Variants in RELN observed in about 807,000 individuals in gnomAD.
RELN encodes reelin.
A neutral mutation model predicts 427.6 loss-of-function variants in RELN; 108 were observed. The observed-to-expected ratio is 0.25, with a 90% confidence interval of 0.22 to 0.30. RELN has a LOEUF of 0.30. Ranked by LOEUF, RELN falls within the 10% of genes least tolerant of loss-of-function variation. The probability of loss-of-function intolerance (pLI) is 1.00; values close to 1 mark genes in which losing one functional copy is unlikely to be tolerated. For missense variants in RELN, 3,715 were observed against 4,302.8 expected (o/e 0.86, Z 3.82); for synonymous variants, 1,524 against 1,513.4 (o/e 1.01, Z -0.16).
intron 8 of RELN, among the ~76,000 whole-genome samples, chr7:103,719,250 C>T (rs1257748810): frequency 6.6e-6 from 1 of 152,082 alleles, no homozygotes; most frequent in African/African-American, 2.4e-5. Context: ...TCTAGGAGGG[C>T]ACGCATGTTC....
chr7:103,839,303 C>CTTTTTTT lies in RELN; in HGVS notation c.338-5638_338-5632dup, dbSNP rs34244913. On this transcript the variant is annotated intron_variant, in intron 2 of 64. Transcript: ENST00000428762. Reference sequence around the variant, plus strand: ...CACTATGACTATACAGTGGTCTTTGCTTTTTTTTTTTTTTTTTTTAACATA... The same window carrying CTTTTTTT: ...CACTATGACTATACAGTGGTCTTTGCTTTTTTTTTTTTTTTTTTTTTTTTTTAACATA... Among the ~76,000 whole-genome samples the CTTTTTTT allele has an allele frequency of 2.8e-4, 34 of 121,180 alleles. 2 individuals carry two copies. Among genetic ancestry groups the CTTTTTTT allele is most frequent in the African/African-American group, 6.2e-4 (20 of 32,468 alleles). The allele number at this position is 121,180 out of a possible 152,430, so 79.5% of individuals were successfully genotyped here.
intron 63 of RELN, 151 bp downstream of exon 63, chr7:103,482,722 T>C (rs1828285518): frequency 9.3e-6 from 14 of 1,505,698 alleles, no homozygotes; most frequent in South Asian, 6.1e-5. Context: ...ATTTGAGCTA[T>C]AGCTTGCAGT....
chr7:103,678,952 A>C (rs1338674557), intron 11 of RELN, among the ~76,000 whole-genome samples: 1 of 152,208 alleles, frequency 6.6e-6, no homozygotes, highest in African/African-American at 2.4e-5. Context: ...CTGAGCAGAG[A>C]AAACAGAACG....
intron 3 of RELN, among the ~76,000 whole-genome samples, chr7:103,800,709 CA>C (rs1442645854): frequency 6.6e-6 from 1 of 152,170 alleles, no homozygotes; most frequent in Non-Finnish European, 1.5e-5. Flanking sequence ...GCAATGGCAA[CA>C]AAAGCCAAAA....
At chr7:103,920,586 T>G (rs1454720840) in intron 1 of RELN, among the ~76,000 whole-genome samples, 1 of 60,476 alleles carries the variant, frequency 1.7e-5, no homozygotes, top group Non-Finnish European at 3.6e-5. Context: ...TTTGTTTTTT[T>G]TTTTTTTGAG....
At chr7:103,481,392 G>T (rs554565430) in intron 63 of RELN, among the ~76,000 whole-genome samples, 62 of 152,318 alleles carry the variant, frequency 4.1e-4, no homozygotes, top group Middle Eastern at 6.8e-3. Context: ...GTAATGCTTT[G>T]TCAGGCACAG....
In RELN at chr7:103,698,081, A is replaced by T. The variant is rs752531852; in HGVS notation, c.915T>A (p.Asn305Lys). ...IQLEKIRAPS[N>K]VSTIIHILYL... Reference sequence around the variant, plus strand: ...AGAGGATATGGATGATTGTGCTGACATTGGAAGGGGCTCTGGAACATACAG... The same window carrying T: ...AGAGGATATGGATGATTGTGCTGACTTTGGAAGGGGCTCTGGAACATACAG... The change falls in exon 10 of 65, where the codon AAT (asparagine) becomes AAA (lysine). Residue 305 changes from asparagine to lysine, a missense_variant. Physicochemically the swap from Asn to Lys is moderately conservative, Grantham distance 94. Around this residue, in one of 4 missense-constraint regions of RELN, gnomAD observed 2,208 missense variants for 2,361.7 expected, o/e 0.93. Coordinates refer to ENST00000428762, the MANE Select transcript of RELN (RefSeq NM_005045.4). The T allele has an allele frequency of 6.2e-6, 10 of 1,613,708 alleles. No homozygotes were observed. The South Asian group carries it at 1.1e-4, about 18-fold the overall frequency.
chr7:103,854,408 T>C (rs1584299912), intron 2 of RELN, among the ~76,000 whole-genome samples: 1 of 152,354 alleles, frequency 6.6e-6, no homozygotes, highest in South Asian at 2.1e-4. Context: ...CTAGCTGTCA[T>C]CTCTTTGCTG....
At chr7:103,477,292 A>G (rs1277378005) in intron 64 of RELN, among the ~76,000 whole-genome samples, 1 of 152,198 alleles carries the variant, frequency 6.6e-6, no homozygotes, top group Non-Finnish European at 1.5e-5. Context: ...ATTTATTATG[A>G]TGAAAACAAT....
chr7:103,753,013 G>A (rs1031722417), intron 5 of RELN, among the ~76,000 whole-genome samples, 169 bp downstream of exon 5: 1 of 152,136 alleles, frequency 6.6e-6, no homozygotes, highest in African/African-American at 2.4e-5. Context: ...GTTTCCTCAA[G>A]GAGGTTCTGT....
At chr7:103,742,369 C>T (rs957351140) in intron 6 of RELN, among the ~76,000 whole-genome samples, 1 of 152,196 alleles carries the variant, frequency 6.6e-6, no homozygotes, top group African/African-American at 2.4e-5. Flanking sequence ...CTCTCCTCCT[C>T]CAAAGGAACG....
At chr7:103,833,488 TCCTAAGTATTTG>T in intron 3 of RELN, 37 bp downstream of exon 3, 1 of 1,507,060 alleles carries the variant, frequency 6.6e-7, no homozygotes, top group Non-Finnish European at 9.2e-7. Context: ...CCATGAGAAG[TCCTAAGTATTTG>T]CCTTCTGTAC....
intron 57 of RELN, among the ~76,000 whole-genome samples, chr7:103,492,877 T>A (rs1235100343): frequency 2.0e-5 from 3 of 151,344 alleles, no homozygotes; most frequent in Non-Finnish European, 4.4e-5. Flanking sequence ...AAAGAAAGAG[T>A]GTGAGTGAAG....
At chr7:103,722,286 T>C (rs1159033322) in intron 8 of RELN, among the ~76,000 whole-genome samples, 1 of 152,136 alleles carries the variant, frequency 6.6e-6, no homozygotes, top group African/African-American at 2.4e-5. Flanking sequence ...CAATTTGGAA[T>C]AGAAGAATCC....
At chr7:103,615,295 G>C (rs1832055155) in intron 20 of RELN, among the ~76,000 whole-genome samples, 1 of 152,148 alleles carries the variant, frequency 6.6e-6, no homozygotes, top group Admixed American at 6.5e-5. Flanking sequence ...CCATGACACT[G>C]GCCAAATGGA....
At chr7:103,646,955 A>G (rs1045299741) in intron 16 of RELN, among the ~76,000 whole-genome samples, 2 of 152,188 alleles carry the variant, frequency 1.3e-5, no homozygotes, top group Middle Eastern at 3.4e-3. Flanking sequence ...GGATGGCTCA[A>G]CCTATGCAAA....
At chr7:103,781,367 T>C (rs908485846) in intron 3 of RELN, among the ~76,000 whole-genome samples, 16 of 152,128 alleles carry the variant, frequency 1.1e-4, no homozygotes, top group Admixed American at 6.6e-4. Context: ...ATATTATATA[T>C]TCCAAAATTG....
intron 2 of RELN, among the ~76,000 whole-genome samples, chr7:103,897,313 T>C (rs772709626): frequency 5.9e-5 from 9 of 152,098 alleles, no homozygotes; most frequent in Non-Finnish European, 1.2e-4. Context: ...ATTTCTTTCA[T>C]CAAAGTTGAC....
At chr7:103,703,167 G>A (rs1472102339) in intron 8 of RELN, among the ~76,000 whole-genome samples, 1 of 152,104 alleles carries the variant, frequency 6.6e-6, no homozygotes, top group African/African-American at 2.4e-5. Context: ...GCTGGAAGGA[G>A]CACCCCCCAA....
Sources: allele counts gnomAD v4.1 joint callset (sites outside exome capture counted in the v4.1 genomes callset), GRCh38; gene constraint gnomAD v4.1.1; regional missense constraint gnomAD v4.1.1; transcripts MANE v1.5; gene names NCBI Gene and HGNC (gene_info 2026-07-23, HGNC 2026-07-21).